The following SETDB2 variants were observed in gnomAD, a reference collection of about 807,000 sequenced individuals.
SETDB2 encodes the protein SET domain bifurcated histone lysine methyltransferase 2, also known as histone-lysine N-methyltransferase SETDB2.
SETDB2 carries 56 observed loss-of-function variants against 82.5 expected under a neutral mutation model. The ratio of observed to expected loss-of-function variants is 0.68; its 90% CI spans 0.55 to 0.85. The LOEUF (loss-of-function observed/expected upper bound fraction) is 0.85, where lower values mean the gene tolerates loss of function less well. SETDB2 is among the 40% of genes least tolerant of loss of function. The probability of loss-of-function intolerance (pLI) is 0.00; values close to 1 mark genes in which losing one functional copy is unlikely to be tolerated. For missense variants in SETDB2, 677 were observed against 816.4 expected (o/e 0.83, Z 2.08); for synonymous variants, 272 against 284.9 (o/e 0.95, Z 0.46).
chr13:49,483,309 C>T (rs957062984), intron 9 of SETDB2, among the ~76,000 whole-genome samples, 155 bp from the exon 10 acceptor site: 1 of 151,820 alleles, frequency 6.6e-6, no homozygotes, highest in East Asian at 1.9e-4. Context: ...ATTATATTTC[C>T]TTTCTCTAGG....
chr13:49,464,596 G>A (rs535437312), intron 4 of SETDB2, among the ~76,000 whole-genome samples: 27 of 152,184 alleles, frequency 1.8e-4, no homozygotes, highest in African/African-American at 5.1e-4. Context: ...TAGAAATGCC[G>A]AATATTATAA....
intron 2 of SETDB2, among the ~76,000 whole-genome samples, chr13:49,453,801 A>G (rs897277253): frequency 1.3e-5 from 2 of 152,118 alleles, no homozygotes; most frequent in African/African-American, 4.8e-5. Context: ...CAAGGTCTGA[A>G]TGATAGGTGT....
intron 5 of SETDB2, among the ~76,000 whole-genome samples, chr13:49,473,551 CAAAAAAA>C (rs769808278): frequency 8.1e-5 from 5 of 61,562 alleles, no homozygotes; most frequent in African/African-American, 2.4e-4. Context: ...ACCCTGTCTC[CAAAAAAA>C]AAAAAAAAAA....
At chr13:49,453,907 A>T (rs1163250942) in intron 2 of SETDB2, among the ~76,000 whole-genome samples, 1 of 152,090 alleles carries the variant, frequency 6.6e-6, no homozygotes, top group Non-Finnish European at 1.5e-5. Context: ...TACACAACTC[A>T]TGGCTATAAA....
At chr13:49,482,251 GA>G in intron 8 of SETDB2, 1 of 985,380 alleles carries the variant, frequency 1.0e-6, no homozygotes, top group Non-Finnish European at 1.2e-6. Context: ...TGAATCCCTT[GA>G]AAGAAAATGC....
At chr13:49,466,203 G>A (rs1265280465) in intron 4 of SETDB2, among the ~76,000 whole-genome samples, 1 of 152,128 alleles carries the variant, frequency 6.6e-6, no homozygotes, top group Non-Finnish European at 1.5e-5. Context: ...GAAGGCTGAG[G>A]TGGCAGGATC....
chr13:49,447,493 T>C (rs1169552376), intron 1 of SETDB2, among the ~76,000 whole-genome samples: 1 of 152,136 alleles, frequency 6.6e-6, no homozygotes, highest in Admixed American at 6.6e-5. Context: ...TTGAGTATGA[T>C]GTTTGCTGTC....
intron 5 of SETDB2, among the ~76,000 whole-genome samples, chr13:49,468,569 C>CA (rs1958161849): frequency 6.6e-6 from 1 of 150,870 alleles, no homozygotes; most frequent in Non-Finnish European, 1.5e-5. Context: ...GAGTAGAGAA[C>CA]ATAGTTTCAA....
At chr13:49,489,268 A>C (rs1192247852) in intron 12 of SETDB2, 1 of 185,864 alleles carries the variant, frequency 5.4e-6, no homozygotes, top group Non-Finnish European at 1.1e-5. Flanking sequence ...TCACATGATG[A>C]ATGTGTGGAG....
At chr13:49,471,936 T>TATATATATATATATA (rs71664753) in intron 5 of SETDB2, among the ~76,000 whole-genome samples, 128 of 95,726 alleles carry the variant, frequency 1.3e-3, no homozygotes, top group African/African-American at 4.2e-3. Flanking sequence ...ATATATATAT[T>TATATATATATATATA]TTTTTTTTTT....
intron 2 of SETDB2, among the ~76,000 whole-genome samples, chr13:49,458,951 G>C (rs1957942635): frequency 6.6e-6 from 1 of 152,178 alleles, no homozygotes; most frequent in Admixed American, 6.5e-5. Context: ...GGCACATAGG[G>C]CCTTCGATGT....
intron 1 of SETDB2, 113 bp from the exon 2 acceptor site, chr13:49,451,440 T>A (rs1474227521): frequency 6.8e-6 from 1 of 147,618 alleles, no homozygotes; most frequent in East Asian, 2.0e-4. Flanking sequence ...TTTTAAAAGA[T>A]CAAGCTGTTA....
rs11557919 is a variant in SETDB2 at position 49,444,705 on chromosome 13, A to G, written c.-494A>G. On this transcript the variant is annotated 5_prime_UTR_variant, in exon 1 of 14. Coordinates refer to ENST00000611815, the MANE Select transcript of SETDB2 (RefSeq NM_001160308.3). ...CGGGCGCACTGAGTTTCCAACCTCC[A>G]TTTCAGCCTGTCTGTCTCAGGGTGC... is the stretch of plus-strand genomic sequence containing the variant. 12,451 of 57,592 alleles carry G rather than the reference A, an allele frequency of 0.22. 1,677 individuals carry two copies. Among genetic ancestry groups the G allele is most frequent in the African/African-American group, 0.37 (11,560 of 31,276 alleles). 3.6% of individuals were successfully genotyped at this position (57,592 alleles called of 1,614,324 possible). A position where few individuals can be genotyped will look rare whatever the true frequency, so the allele number is the denominator to read the frequency against.
Position 49,488,601 on chromosome 13 carries a change from A to G in SETDB2, c.1888A>G (p.Lys630Glu). The change falls in exon 12 of 14, where the codon AAA (lysine) becomes GAA (glutamate). Residue 630 changes from lysine (K) to glutamate (E), a missense_variant. By Grantham distance (56) the Lys-to-Glu change is moderately conservative. Coordinates refer to ENST00000611815, the MANE Select transcript of SETDB2 (RefSeq NM_001160308.3). ...KGNVFLLDAT[K>E]EGNVGRFLNH... ...GAATGTGTTTTTATTGGATGCCACAAAAGAAGGAAATGTCGGCCGCTTCCT... is the reference window on the plus strand; with the variant it reads ...GAATGTGTTTTTATTGGATGCCACAGAAGAAGGAAATGTCGGCCGCTTCCT... 1.9e-6 allele frequency: 3 copies of G among 1,601,214 alleles called. No homozygotes were observed. Among genetic ancestry groups the G allele is most frequent in the East Asian group, 2.2e-5 (1 of 44,780 alleles).
chr13:49,457,591 G>T (rs143490662), intron 2 of SETDB2, among the ~76,000 whole-genome samples: 1 of 151,762 alleles, frequency 6.6e-6, no homozygotes, highest in Non-Finnish European at 1.5e-5. Flanking sequence ...GTGCCACCAC[G>T]CCCAGCTAAC....
chr13:49,457,242 G>A lies in SETDB2; in HGVS notation c.17-2865G>A, dbSNP rs541797752. Among the ~76,000 whole-genome samples the A allele has an allele frequency of 6.5e-5, 8 of 123,526 alleles. No individual in the cohort carries two copies. The East Asian group carries it at 7.1e-4, about 11-fold the overall frequency. 81.0% of individuals were successfully genotyped at this position (123,526 alleles called of 152,430 possible). A position where few individuals can be genotyped will look rare whatever the true frequency, so the allele number is the denominator to read the frequency against. The stretch of plus-strand genomic sequence containing the variant: ...TTTTTTTTTTTTTTGAAAGAGTCTC[G>A]CTCTGTGTTTTATTAATCGGTTCCA... On this transcript the variant is annotated intron_variant, in intron 2 of 13. Coordinates refer to ENST00000611815, the MANE Select transcript of SETDB2 (RefSeq NM_001160308.3).
chr13:49,451,909 G>A lies in SETDB2; in HGVS notation c.16G>A (p.Gly6Ser), dbSNP rs1243574316. 1 of 1,592,894 alleles carries A rather than the reference G, an allele frequency of 6.3e-7. No individual in the cohort carries two copies. The highest frequency in any genetic ancestry group is 8.6e-7 in the Non-Finnish European group (1 of 1,166,400). The part of the protein sequence containing the change: MGEKN[G>S]DAKTFWMELE... ...ACATCAAAAGATGGGAGAAAAAAAT[G>A]GTAGGTTGAAGAACACACTGTTACA... The change falls in exon 2 of 14, where the codon GGC (glycine) becomes AGC (serine). Residue 6 changes from glycine to serine, a missense_variant and splice_region_variant. Coordinates refer to ENST00000611815, the MANE Select transcript of SETDB2 (RefSeq NM_001160308.3).
rs1163961056 is a variant in SETDB2, at chr13:49,471,080, C to G, written c.305+3120C>G. ...GACGCCCTAAGCTCAAGCGATCCTT[C>G]CTCCTCAGACTCTCAAGTAGCTAGG... On this transcript the variant is annotated intron_variant, in intron 5 of 13. Coordinates refer to ENST00000611815, the MANE Select transcript of SETDB2 (RefSeq NM_001160308.3). Among the ~76,000 whole-genome samples the G allele has an allele frequency of 4.0e-5, 6 of 149,536 alleles. No homozygotes were observed. In the Admixed American group the frequency reaches 4.0e-4, roughly 10 times the overall value.
At chr13:49,490,588 T>A (rs1201617239) in intron 12 of SETDB2, among the ~76,000 whole-genome samples, 1 of 152,180 alleles carries the variant, frequency 6.6e-6, no homozygotes, top group Non-Finnish European at 1.5e-5. Context: ...ATTGACATAT[T>A]TTATAGGGAT....
Sources: allele counts gnomAD v4.1 joint callset (sites outside exome capture counted in the v4.1 genomes callset), GRCh38; gene constraint gnomAD v4.1.1; transcripts MANE v1.5; gene names NCBI Gene and HGNC (gene_info 2026-07-23, HGNC 2026-07-21).